Variants in PCDHGB3 observed in about 807,000 individuals in gnomAD.
PCDHGB3 encodes the protein protocadherin gamma subfamily B, 3.
Under a neutral mutation model 59.2 loss-of-function variants are expected in PCDHGB3, and 40 were observed. That is an observed-to-expected ratio of 0.68 (90% confidence interval 0.52 to 0.88). The LOEUF is 0.88. Among genes scored for constraint, PCDHGB3 ranks in the 40% least tolerant of loss-of-function variants. PCDHGB3 has a pLI of 0.00. For synonymous variants in PCDHGB3, 581 were observed against 503.6 expected (o/e 1.15, Z -2.06); for missense variants, 1,309 against 1,187.9 (o/e 1.10, Z -1.50).
chr5:141,433,029 T>C (rs2097561523), intron 1 of PCDHGB3: 2 of 1,613,998 alleles, frequency 1.2e-6, no homozygotes, highest in African/African-American at 2.7e-5. Flanking sequence ...TCCCACGAGG[T>C]TTCCCTCACC....
intron 1 of PCDHGB3, chr5:141,422,608 T>A: frequency 5.0e-6 from 8 of 1,613,956 alleles, no homozygotes; most frequent in Non-Finnish European, 5.1e-6. Context: ...TTACTCTGCC[T>A]ACATTCCCGA....
chr5:141,403,796 T>C (rs1028690414), intron 1 of PCDHGB3: 3 of 1,613,866 alleles, frequency 1.9e-6, no homozygotes, highest in Non-Finnish European at 1.7e-6. Flanking sequence ...ATACAAATTC[T>C]GGAAAATTAA....
chr5:141,423,154 C>A, intron 1 of PCDHGB3: 1 of 1,613,466 alleles, frequency 6.2e-7, no homozygotes, highest in South Asian at 1.1e-5. Flanking sequence ...CAAGCAGAGC[C>A]TCGTGGTGGC....
At chr5:141,400,860 A>G (rs77207205) in intron 1 of PCDHGB3, among the ~76,000 whole-genome samples, 6,447 of 152,342 alleles carry the variant, frequency 0.042, 220 homozygotes, top group African/African-American at 0.092. Flanking sequence ...TATTGTATGT[A>G]GATAAACCAT....
intron 1 of PCDHGB3, chr5:141,376,177 C>A (rs1772377034): frequency 6.2e-7 from 1 of 1,614,004 alleles, no homozygotes; most frequent in Non-Finnish European, 8.5e-7. Context: ...TGGCGGTGGC[C>A]GCGGTCTCCT....
chr5:141,397,248 T>C (rs2093496152), intron 1 of PCDHGB3, among the ~76,000 whole-genome samples: 1 of 152,168 alleles, frequency 6.6e-6, no homozygotes, highest in South Asian at 2.1e-4. Flanking sequence ...CGTAGTAGGG[T>C]ATATCATTTC....
intron 1 of PCDHGB3, chr5:141,394,355 G>C (rs767192511): frequency 4.3e-6 from 7 of 1,614,064 alleles, no homozygotes; most frequent in African/African-American, 1.3e-5. Context: ...CCGGTGTCCT[G>C]TATGCGCTGC....
intron 1 of PCDHGB3, among the ~76,000 whole-genome samples, chr5:141,469,206 A>T (rs752389937): frequency 6.6e-6 from 1 of 150,920 alleles, no homozygotes; most frequent in African/African-American, 2.4e-5. Flanking sequence ...AGCCTTTTGA[A>T]GTTGAGGCTT....
In PCDHGB3 at chr5:141,491,996, G is replaced by T; in HGVS notation, c.2416-2811G>T. ...TCCTTCGAGCTTCCGGTGAATTTCG[G>T]GCGATTTCCGCGGGTGTCGGGGGTC... is the stretch of plus-strand genomic sequence containing the variant. On this transcript the variant is annotated intron_variant, in intron 1 of 3. Coordinates refer to ENST00000576222, the MANE Select transcript of PCDHGB3 (RefSeq NM_018924.5). This position sits in a 1 kb window ranked among gnomAD's most constrained non-coding sequence, Gnocchi z 6.9. The T allele has an allele frequency of 2.9e-6, 2 of 686,328 alleles. No individual in the cohort carries two copies. Among genetic ancestry groups the T allele is most frequent in the Non-Finnish European group, 4.5e-6 (2 of 441,080 alleles). 42.5% of individuals were successfully genotyped at this position (686,328 alleles called of 1,614,324 possible). A position where few individuals can be genotyped will look rare whatever the true frequency, so the allele number is the denominator to read the frequency against.
chr5:141,447,168 T>C (rs1027377060), intron 1 of PCDHGB3, among the ~76,000 whole-genome samples: 2 of 152,174 alleles, frequency 1.3e-5, no homozygotes, highest in Non-Finnish European at 2.9e-5. Context: ...AAGCGGGGTC[T>C]TGCTCTTGTC....
intron 1 of PCDHGB3, chr5:141,389,159 G>C: frequency 6.2e-7 from 1 of 1,613,988 alleles, no homozygotes; most frequent in Non-Finnish European, 8.5e-7. Context: ...CAACAGATCG[G>C]GGCAAGCCTC....
intron 1 of PCDHGB3, chr5:141,395,524 T>G (rs1312171320): frequency 5.1e-6 from 2 of 392,258 alleles, no homozygotes; most frequent in Non-Finnish European, 9.1e-6. Flanking sequence ...CCGTCCATAC[T>G]GGTAATTTTG....
intron 1 of PCDHGB3, among the ~76,000 whole-genome samples, chr5:141,465,502 G>T (rs948827391): frequency 6.6e-6 from 1 of 152,152 alleles, no homozygotes; most frequent in Non-Finnish European, 1.5e-5. Flanking sequence ...GAGCATTGTC[G>T]TGGTCAGGAA....
chr5:141,452,358 T>C (rs2098739424), intron 1 of PCDHGB3, among the ~76,000 whole-genome samples: 1 of 152,236 alleles, frequency 6.6e-6, no homozygotes, highest in African/African-American at 2.4e-5. Context: ...CCAAAAGCCT[T>C]GCTTCATTTT....
chr5:141,408,782 T>G (rs1561715407), intron 1 of PCDHGB3: 1 of 1,612,108 alleles, frequency 6.2e-7, no homozygotes, highest in East Asian at 2.2e-5. Flanking sequence ...ATACCCAGAG[T>G]TATCTCTGGA....
intron 1 of PCDHGB3, chr5:141,421,914 T>C: frequency 4.3e-6 from 7 of 1,613,742 alleles, no homozygotes; most frequent in Non-Finnish European, 5.9e-6. Flanking sequence ...CAGTTCCCAT[T>C]CGTGTGGTGG....
rs769995886 is a variant in PCDHGB3, at chr5:141,370,504, T to C, written c.110T>C (p.Ile37Thr). 1.9e-6 allele frequency: 3 copies of C among 1,613,950 alleles called. No homozygotes were observed. Among genetic ancestry groups the C allele is most frequent in the Non-Finnish European group, 2.5e-6 (3 of 1,179,878 alleles). ...QALSEPIRYA[I>T]PEELDRGSLV... is the part of the protein sequence containing the mutation. ...CTCTCCGAACCGATCCGCTACGCTA[T>C]TCCCGAGGAGCTGGACAGGGGCTCG... Residue 37 changes from isoleucine (I) to threonine (T), a missense_variant, in exon 1 of 4, where the codon ATT becomes ACT. Transcript: ENST00000576222.
chr5:141,376,129 C>G, intron 1 of PCDHGB3: 2 of 1,613,928 alleles, frequency 1.2e-6, no homozygotes, highest in Non-Finnish European at 1.7e-6. Context: ...AGCCCTCCGC[C>G]AAACCCAACG....
At position 141,511,393 on chromosome 5, in the gene PCDHGB3, C is replaced by G. The variant is rs1257680621; in HGVS notation, c.*220C>G. The G allele has an allele frequency of 2.8e-6, 3 of 1,067,816 alleles. No individual in the cohort carries two copies. The highest frequency in any genetic ancestry group is 3.9e-6 in the Non-Finnish European group (3 of 764,518). The allele number at this position is 1,067,816 out of a possible 1,614,324, so 66.1% of individuals were successfully genotyped here. A position where few individuals can be genotyped will look rare whatever the true frequency, so the allele number is the denominator to read the frequency against. On this transcript the variant is annotated 3_prime_UTR_variant, in exon 4 of 4. Coordinates refer to ENST00000576222, the MANE Select transcript of PCDHGB3 (RefSeq NM_018924.5). ...CAAAAGCAGTTCCGCTGGGAACCCC[C>G]ATCCAATCAACTGCTGTACCCATGG...
Sources: allele counts gnomAD v4.1 joint callset (sites outside exome capture counted in the v4.1 genomes callset), GRCh38; gene constraint gnomAD v4.1.1; non-coding constraint Gnocchi (gnomAD v3.1); transcripts MANE v1.5; gene names NCBI Gene and HGNC (gene_info 2026-07-23, HGNC 2026-07-21).